The following COL26A1 variants were observed in gnomAD, a reference collection of about 807,000 sequenced individuals.
The protein encoded by COL26A1 is collagen alpha-1(XXVI) chain.
In COL26A1, 41 loss-of-function variants were observed where a neutral mutation model predicts 59.3. The observed-to-expected ratio is 0.69, with a 90% CI of 0.54 to 0.90. The LOEUF (loss-of-function observed/expected upper bound fraction) is 0.90, where lower values mean the gene tolerates loss of function less well. COL26A1 is among the 40% of genes least tolerant of loss of function. The pLI is 0.00. For synonymous variants in COL26A1, 266 were observed against 256.0 expected (o/e 1.04, Z -0.37); for missense variants, 612 against 602.3 (o/e 1.02, Z -0.17).
At chr7:101,551,301 C>T (rs1795857745) in intron 10 of COL26A1, among the ~76,000 whole-genome samples, 158 bp downstream of exon 10, 1 of 152,138 alleles carries the variant, frequency 6.6e-6, no homozygotes. Context: ...GGACTCAAAT[C>T]GCCTCCTGCT....
At chr7:101,546,482 G>C (rs1185297045) in intron 7 of COL26A1, among the ~76,000 whole-genome samples, 2 of 151,652 alleles carry the variant, frequency 1.3e-5, no homozygotes, top group African/African-American at 4.8e-5. Flanking sequence ...CACTATGTTG[G>C]GCAGGCTGGT....
At chr7:101,396,512 G>T (rs531632578) in intron 1 of COL26A1, among the ~76,000 whole-genome samples, 1 of 152,078 alleles carries the variant, frequency 6.6e-6, no homozygotes, top group East Asian at 1.9e-4. Flanking sequence ...GCCCAGGCTG[G>T]AGTGCAGTGG....
chr7:101,525,643 C>T (rs1795229372), intron 3 of COL26A1, among the ~76,000 whole-genome samples: 2 of 150,490 alleles, frequency 1.3e-5, no homozygotes, highest in African/African-American at 2.4e-5. Flanking sequence ...ACTACAGGTG[C>T]CCACCATCAC....
At chr7:101,553,278 G>T (rs1273635255) in intron 10 of COL26A1, 48 bp from the exon 11 acceptor site, 10 of 1,565,700 alleles carry the variant, frequency 6.4e-6, no homozygotes, top group Non-Finnish European at 8.8e-6. Flanking sequence ...GGGTGGAGAG[G>T]TGCCCCCACC....
At chr7:101,439,336 A>G (rs1465085635) in intron 2 of COL26A1, among the ~76,000 whole-genome samples, 48 of 148 alleles carry the variant, frequency 0.32, 1 homozygote, top group Admixed American at 0.49. Context: ...AGAAAGAGAG[A>G]GAGACAAGAA....
intron 1 of COL26A1, among the ~76,000 whole-genome samples, chr7:101,379,467 TTCACCCTCCAGATCCTTCCTGCCTC>T (rs1311454772): frequency 8.5e-5 from 13 of 152,082 alleles, no homozygotes; most frequent in African/African-American, 2.4e-4. Context: ...TTGCCTGCCT[TTCACCCTCCAGATCCTTCCTGCCTC>T]TCACCCTCCA....
chr7:101,386,507 T>C (rs563262795), intron 1 of COL26A1, among the ~76,000 whole-genome samples: 1 of 152,176 alleles, frequency 6.6e-6, no homozygotes, highest in Non-Finnish European at 1.5e-5. Context: ...CTGGCTTGCT[T>C]TGTTCTCGTT....
chr7:101,485,266 T>C (rs961542259), intron 3 of COL26A1, among the ~76,000 whole-genome samples: 4 of 152,066 alleles, frequency 2.6e-5, no homozygotes, highest in African/African-American at 9.7e-5. Context: ...TGCTGAGAGG[T>C]GATGCTGCCT....
intron 7 of COL26A1, among the ~76,000 whole-genome samples, 196 bp downstream of exon 7, chr7:101,545,686 G>A (rs1584503752): frequency 6.6e-6 from 1 of 152,342 alleles, no homozygotes; most frequent in East Asian, 1.9e-4. Context: ...ACGATGACAG[G>A]GAACAGCTTG....
At chr7:101,363,814 G>A (rs965393251) in intron 1 of COL26A1, among the ~76,000 whole-genome samples, 11 of 152,308 alleles carry the variant, frequency 7.2e-5, no homozygotes, top group Admixed American at 1.3e-4. Flanking sequence ...CGCTCACGTG[G>A]CTCTGCCGCT....
intron 2 of COL26A1, among the ~76,000 whole-genome samples, chr7:101,434,659 G>C (rs1792873604): frequency 6.6e-6 from 1 of 152,122 alleles, no homozygotes; most frequent in Non-Finnish European, 1.5e-5. Context: ...ACGCTCACTA[G>C]TGAGCATGGG....
intron 2 of COL26A1, among the ~76,000 whole-genome samples, chr7:101,434,598 T>C (rs1792871695): frequency 1.3e-5 from 2 of 151,628 alleles, no homozygotes; most frequent in African/African-American, 4.9e-5. Flanking sequence ...GAATGTTGTA[T>C]TGTGTGTGAG....
intron 11 of COL26A1, among the ~76,000 whole-genome samples, chr7:101,554,334 C>T (rs2130687896): frequency 6.6e-6 from 1 of 152,104 alleles, no homozygotes; most frequent in East Asian, 1.9e-4. Flanking sequence ...AGGGAAGAGG[C>T]TGGAATCAAG....
intron 4 of COL26A1, among the ~76,000 whole-genome samples, chr7:101,533,489 T>C (rs925531957): frequency 3.3e-5 from 5 of 152,038 alleles, no homozygotes; most frequent in African/African-American, 9.7e-5. Flanking sequence ...AGAATGGGGC[T>C]GGGCACAGAG....
intron 3 of COL26A1, among the ~76,000 whole-genome samples, chr7:101,506,901 A>T (rs1251564082): frequency 6.9e-6 from 1 of 145,304 alleles, no homozygotes; most frequent in Non-Finnish European, 1.5e-5. Flanking sequence ...TCCAAAAGCA[A>T]CTCCTCCCCA....
intron 3 of COL26A1, among the ~76,000 whole-genome samples, chr7:101,461,810 A>G (rs116386792): frequency 0.011 from 1,674 of 152,220 alleles, 32 homozygotes; most frequent in African/African-American, 0.038. Context: ...CCTGAGGCAT[A>G]TAAGTTCAAG....
Position 101,500,147 on chromosome 7 carries a change from G to A in COL26A1, c.386-32935G>A, listed in dbSNP as rs148540542. 2.4e-3 allele frequency among the ~76,000 whole-genome samples: 362 copies of A among 152,320 alleles called. 1 individual carries two copies. The highest frequency in any genetic ancestry group is 8.3e-3 in the African/African-American group (347 of 41,574). The stretch of plus-strand genomic sequence containing the variant: ...CCTGCTATTGTGGCTGTTTGGAGTA[G>A]GCTGGGGCATGCGTGCCTTCTCTGC... On this transcript the variant is annotated intron_variant, in intron 3 of 12. Coordinates refer to ENST00000313669, the MANE Select transcript of COL26A1 (RefSeq NM_001278563.3).
chr7:101,407,662 C>T (rs188011600), intron 1 of COL26A1, among the ~76,000 whole-genome samples: 14 of 151,958 alleles, frequency 9.2e-5, no homozygotes, highest in Admixed American at 5.3e-4. Context: ...GGTGCAGACA[C>T]TGGACCAAAT....
intron 3 of COL26A1, among the ~76,000 whole-genome samples, chr7:101,526,811 A>G (rs1795256618): frequency 6.6e-6 from 1 of 152,196 alleles, no homozygotes; most frequent in South Asian, 2.1e-4. Flanking sequence ...GCCTGAAGCC[A>G]CTGGAGCTGA....
Sources: gnomAD v4.1 joint callset for allele counts (sites outside exome capture counted in the v4.1 genomes callset) on GRCh38, gnomAD v4.1.1 for gene constraint, MANE v1.5 for transcripts, NCBI Gene and HGNC (gene_info 2026-07-23, HGNC 2026-07-21) for gene names.